RBMS3: variants seen among roughly 807,000 people sequenced by gnomAD.
The protein encoded by RBMS3 is RNA-binding motif, single-stranded-interacting protein 3.
A neutral mutation model predicts 66.8 loss-of-function variants in RBMS3; 27 were observed. That is an observed-to-expected ratio of 0.40 (90% CI 0.30 to 0.56). RBMS3 has a LOEUF of 0.56. RBMS3 is among the 20% of genes least tolerant of loss of function. RBMS3 has a pLI of 0.40. For missense variants in RBMS3, 513 were observed against 549.5 expected, an observed-to-expected ratio of 0.93 and a Z score of 0.66; for synonymous variants, 188 against 183.0, an observed-to-expected ratio of 1.03 and a Z score of -0.22.
chr3:29,293,329 C>A (rs17665167), intron 1 of RBMS3, among the ~76,000 whole-genome samples: 34,977 of 151,580 alleles, frequency 0.23, 4,164 homozygotes, highest in Middle Eastern at 0.35. Flanking sequence ...TAGTTGTGAA[C>A]CCAGCAAAGC....
At chr3:29,354,903 C>A (rs934979069) in intron 1 of RBMS3, among the ~76,000 whole-genome samples, 2 of 152,044 alleles carry the variant, frequency 1.3e-5, no homozygotes, top group African/African-American at 4.8e-5. Flanking sequence ...ACTATATTAA[C>A]CTTACTTAAC....
chr3:29,985,040 G>GT (rs376744059), intron 12 of RBMS3, among the ~76,000 whole-genome samples: 2 of 152,218 alleles, frequency 1.3e-5, no homozygotes, highest in African/African-American at 4.8e-5. Flanking sequence ...GGAGATGGGT[G>GT]TTTTATCTAC....
At chr3:29,757,070 G>C (rs552367976) in intron 5 of RBMS3, among the ~76,000 whole-genome samples, 7 of 152,302 alleles carry the variant, frequency 4.6e-5, no homozygotes, top group African/African-American at 1.2e-4. Flanking sequence ...AAGTCAGAGA[G>C]GGTGGGGATG....
At chr3:29,773,326 T>G (rs2056289633) in intron 6 of RBMS3, among the ~76,000 whole-genome samples, 1 of 152,056 alleles carries the variant, frequency 6.6e-6, no homozygotes. Context: ...TTATTATATA[T>G]TTAGAAAGAT....
At chr3:29,871,094 TAA>T (rs1039091303) in intron 7 of RBMS3, among the ~76,000 whole-genome samples, 3 of 152,138 alleles carry the variant, frequency 2.0e-5, no homozygotes, top group African/African-American at 7.2e-5. Context: ...TGATACACAT[TAA>T]TCCTATATAA....
At position 29,775,515 on chromosome 3, in the gene RBMS3, T is replaced by C. The variant is rs1012357519; in HGVS notation, c.637+12526T>C. Among the ~76,000 whole-genome samples the C allele has an allele frequency of 2.8e-4, 43 of 152,168 alleles. 1 individual carries two copies. The highest frequency in any genetic ancestry group is 1.0e-3 in the African/African-American group (43 of 41,562). ...TTTGTGAGTAGCATGCGAATGAGTC[T>C]GCCCACAATTTAGGGAGAGTTTAAG... On this transcript the variant is annotated intron_variant, in intron 6 of 14. Coordinates refer to ENST00000383767, the MANE Select transcript of RBMS3 (RefSeq NM_001003793.3).
chr3:29,394,283 C>T lies in RBMS3; in HGVS notation c.76-40460C>T, dbSNP rs147967665. ...AGAGAAATATGACTCTGTTCTGCCCCACCCCGCAGGCAGTCAGACTTTATG... is the reference window on the plus strand; with the variant it reads ...AGAGAAATATGACTCTGTTCTGCCCTACCCCGCAGGCAGTCAGACTTTATG... On this transcript the variant is annotated intron_variant, in intron 1 of 14. Transcript: ENST00000383767. 2.1e-3 allele frequency among the ~76,000 whole-genome samples: 314 copies of T among 152,308 alleles called. 2 individuals are homozygous for T. Among genetic ancestry groups the T allele is most frequent in the Middle Eastern group, 0.01 (3 of 294 alleles).
chr3:29,350,470 T>C lies in RBMS3; in HGVS notation c.75+68714T>C, dbSNP rs188929720. Reference sequence around the variant, plus strand: ...AACTAATTTCAGTTAGTTTACTTCATGTAAAATAAGTGAAAACAATTCAAT... The same window carrying C: ...AACTAATTTCAGTTAGTTTACTTCACGTAAAATAAGTGAAAACAATTCAAT... On this transcript the variant is annotated intron_variant, in intron 1 of 14. Transcript: ENST00000383767. Among the ~76,000 whole-genome samples, 58 of 152,302 alleles carry C rather than the reference T, an allele frequency of 3.8e-4. No homozygotes were observed. In the East Asian group the frequency reaches 8.9e-3, roughly 23 times the overall value.
intron 1 of RBMS3, among the ~76,000 whole-genome samples, chr3:29,384,769 G>A (rs2038933786): frequency 6.6e-6 from 1 of 152,152 alleles, no homozygotes; most frequent in Non-Finnish European, 1.5e-5. Flanking sequence ...GCCTTCCCAG[G>A]CCACTCCGCA....
intron 3 of RBMS3, among the ~76,000 whole-genome samples, chr3:29,517,583 G>A (rs1328120760): frequency 5.9e-5 from 9 of 151,926 alleles, no homozygotes; most frequent in Middle Eastern, 3.4e-3. Flanking sequence ...TCGGCCTCCC[G>A]AAGTGCTGGG....
chr3:29,771,411 C>G (rs1479559776), intron 6 of RBMS3, among the ~76,000 whole-genome samples: 1 of 151,876 alleles, frequency 6.6e-6, no homozygotes, highest in Non-Finnish European at 1.5e-5. Flanking sequence ...TGGCACAGAA[C>G]AATACCAATA....
chr3:29,504,625 G>T (rs957960604), intron 3 of RBMS3, among the ~76,000 whole-genome samples: 1 of 151,936 alleles, frequency 6.6e-6, no homozygotes, highest in Admixed American at 6.6e-5. Context: ...GGGATTGCTG[G>T]ATGATATGGT....
chr3:29,345,440 C>T (rs2036519042), intron 1 of RBMS3, among the ~76,000 whole-genome samples: 2 of 151,140 alleles, frequency 1.3e-5, no homozygotes, highest in East Asian at 1.9e-4. Context: ...ATTTTTTTTT[C>T]CCCCACTCTT....
At chr3:29,374,527 T>C (rs1366663925) in intron 1 of RBMS3, among the ~76,000 whole-genome samples, 9 of 152,228 alleles carry the variant, frequency 5.9e-5, no homozygotes, top group Non-Finnish European at 1.0e-4. Flanking sequence ...AGTACAGTAG[T>C]CAATAAATTA....
chr3:29,520,213 A>C (rs2044802613), intron 3 of RBMS3, among the ~76,000 whole-genome samples: 2 of 152,200 alleles, frequency 1.3e-5, no homozygotes, highest in South Asian at 4.1e-4. Flanking sequence ...TGTGAGTGTA[A>C]AATACAAACC....
intron 3 of RBMS3, among the ~76,000 whole-genome samples, chr3:29,583,641 G>A (rs1354675808): frequency 8.6e-5 from 13 of 151,902 alleles, no homozygotes; most frequent in Admixed American, 2.6e-4. Flanking sequence ...TCTGGCGAAG[G>A]GCAACACTTT....
intron 5 of RBMS3, among the ~76,000 whole-genome samples, chr3:29,749,694 T>C (rs369569402): frequency 2.6e-5 from 4 of 152,162 alleles, no homozygotes; most frequent in East Asian, 1.9e-4. Flanking sequence ...AGGAACCTTG[T>C]AAGAGAACCA....
intron 6 of RBMS3, among the ~76,000 whole-genome samples, chr3:29,781,609 G>A (rs2056633675): frequency 6.6e-6 from 1 of 152,022 alleles, no homozygotes; most frequent in South Asian, 2.1e-4. Context: ...TTGATTGCTT[G>A]CTAATGCTAC....
chr3:29,826,576 C>T (rs2058218492), intron 6 of RBMS3, among the ~76,000 whole-genome samples: 1 of 152,144 alleles, frequency 6.6e-6, no homozygotes, highest in Non-Finnish European at 1.5e-5. Context: ...ATCTTAATAT[C>T]TGACAATTCC....
Sources: allele counts gnomAD v4.1 joint callset (sites outside exome capture counted in the v4.1 genomes callset), GRCh38; gene constraint gnomAD v4.1.1; transcripts MANE v1.5; gene names NCBI Gene and HGNC (gene_info 2026-07-23, HGNC 2026-07-21).